Variants in NKAIN3 observed in about 807,000 individuals in gnomAD.
NKAIN3 encodes the protein sodium/potassium transporting ATPase interacting 3.
NKAIN3 carries 25 observed loss-of-function variants against 30.2 expected under a neutral mutation model. That is an observed-to-expected ratio of 0.83 (90% CI 0.60 to 1.16). The LOEUF (loss-of-function observed/expected upper bound fraction) is 1.16. Ranked by LOEUF, NKAIN3 falls within the 50% of genes most tolerant of loss-of-function variation. The probability of loss-of-function intolerance (pLI) is 0.00; values close to 1 mark genes in which losing one functional copy is unlikely to be tolerated. For missense variants in NKAIN3, 225 were observed against 254.1 expected, an observed-to-expected ratio of 0.89 and a Z score of 0.78; for synonymous variants, 91 against 89.6, an observed-to-expected ratio of 1.02 and a Z score of -0.09.
intron 1 of NKAIN3, among the ~76,000 whole-genome samples, chr8:62,354,910 C>T (rs77712843): frequency 0.15 from 22,590 of 152,082 alleles, 1,932 homozygotes; most frequent in East Asian, 0.39. Context: ...GGACCTTTTC[C>T]AATGGGTAGA....
chr8:62,395,382 G>A (rs1031580595), intron 1 of NKAIN3, among the ~76,000 whole-genome samples: 6 of 152,108 alleles, frequency 3.9e-5, no homozygotes, highest in Non-Finnish European at 7.4e-5. Flanking sequence ...GGGGTGGCCC[G>A]GCAGAAGCGC....
At chr8:62,387,989 C>G (rs1273074399) in intron 1 of NKAIN3, among the ~76,000 whole-genome samples, 2 of 152,084 alleles carry the variant, frequency 1.3e-5, no homozygotes, top group Non-Finnish European at 2.9e-5. Context: ...TTCCCATAGG[C>G]CATGGTGGTT....
intron 4 of NKAIN3, among the ~76,000 whole-genome samples, chr8:62,884,080 C>A (rs1030253890): frequency 8.5e-5 from 13 of 152,074 alleles, no homozygotes; most frequent in African/African-American, 3.1e-4. Flanking sequence ...ATGCAGAACT[C>A]TTTTTATACA....
chr8:62,966,904 G>A lies in NKAIN3; in HGVS notation c.*1497G>A, dbSNP rs187903926. 1.6e-3 allele frequency among the ~76,000 whole-genome samples: 236 copies of A among 151,992 alleles called. 6 individuals carry two copies. In the South Asian group the frequency reaches 0.027, roughly 17 times the overall value. ...TCTTTTTTCTTCTTGTTCTTCTTTC[G>A]GAGCCTATAGGTTTCATGAGACTCT... On this transcript the variant is annotated 3_prime_UTR_variant, in exon 7 of 7. Transcript: ENST00000623646.
chr8:62,538,197 G>A (rs1019818265), intron 1 of NKAIN3, among the ~76,000 whole-genome samples: 4 of 152,130 alleles, frequency 2.6e-5, no homozygotes, highest in African/African-American at 7.2e-5. Flanking sequence ...TTGTTGTTGA[G>A]ACAGGGCCTC....
chr8:62,589,874 A>ATT, intron 3 of NKAIN3, 80 bp downstream of exon 3: 1 of 593,432 alleles, frequency 1.7e-6, no homozygotes. Flanking sequence ...ATATAGGTAT[A>ATT]TTGTGTGTGT....
Position 62,979,975 on chromosome 8 carries a change from C to G in NKAIN3, c.*14568C>G, listed in dbSNP as rs1262411663. The G allele has an allele frequency of 6.8e-6, 1 of 147,132 alleles. No individual in the cohort carries two copies. The highest frequency in any genetic ancestry group is 1.5e-5 in the Non-Finnish European group (1 of 68,060). The allele number at this position is 147,132 out of a possible 1,614,324, so 9.1% of individuals were successfully genotyped here. On this transcript the variant is annotated 3_prime_UTR_variant, in exon 7 of 7. Transcript: ENST00000623646. ...CAGTGGGTCTTTGCCTAGCTTTTGT[C>G]TTGTCTTTGCTTTTTATTCATCTTT...
At chr8:62,565,645 T>G (rs1322091305) in intron 1 of NKAIN3, among the ~76,000 whole-genome samples, 2 of 152,120 alleles carry the variant, frequency 1.3e-5, no homozygotes, top group Non-Finnish European at 2.9e-5. Flanking sequence ...GAAAAAGACT[T>G]GAAAGTGGAT....
intron 4 of NKAIN3, chr8:62,863,957 G>C: frequency 1.2e-6 from 1 of 860,274 alleles, no homozygotes; most frequent in Admixed American, 1.8e-5. Context: ...GGCGGTGGTG[G>C]TGGTGGAGGT....
At chr8:62,803,813 A>T (rs1420347256) in intron 4 of NKAIN3, among the ~76,000 whole-genome samples, 1 of 152,234 alleles carries the variant, frequency 6.6e-6, no homozygotes, top group Non-Finnish European at 1.5e-5. Flanking sequence ...TAAAAAATTA[A>T]TGAATCCAGG....
At chr8:62,766,423 C>T (rs992476964) in intron 4 of NKAIN3, among the ~76,000 whole-genome samples, 1 of 152,154 alleles carries the variant, frequency 6.6e-6, no homozygotes, top group East Asian at 1.9e-4. Flanking sequence ...CTGCTAAACA[C>T]CCCCTCTGTA....
chr8:62,367,471 A>G (rs1816770652), intron 1 of NKAIN3, among the ~76,000 whole-genome samples: 1 of 152,212 alleles, frequency 6.6e-6, no homozygotes, highest in Non-Finnish European at 1.5e-5. Flanking sequence ...ACAGAAACCA[A>G]ATAAACGTGA....
chr8:62,274,660 A>G (rs1243288836), intron 1 of NKAIN3, among the ~76,000 whole-genome samples: 1 of 151,984 alleles, frequency 6.6e-6, no homozygotes, highest in Non-Finnish European at 1.5e-5. Context: ...TTTGTTACAT[A>G]TGTATACATG....
At chr8:62,558,938 T>G (rs1809486285) in intron 1 of NKAIN3, among the ~76,000 whole-genome samples, 2 of 152,082 alleles carry the variant, frequency 1.3e-5, no homozygotes, top group Non-Finnish European at 2.9e-5. Context: ...TATTTGAAGA[T>G]AGCTTAATTA....
intron 5 of NKAIN3, among the ~76,000 whole-genome samples, chr8:62,949,167 C>T (rs1409041053): frequency 6.6e-6 from 1 of 152,150 alleles, no homozygotes; most frequent in South Asian, 2.1e-4. Context: ...CCACCTTGCA[C>T]ATGTTGTCTC....
intron 1 of NKAIN3, among the ~76,000 whole-genome samples, chr8:62,376,857 C>T (rs762348583): frequency 3.3e-5 from 5 of 151,978 alleles, no homozygotes; most frequent in African/African-American, 7.3e-5. Flanking sequence ...TACATATAAT[C>T]GTATTCTCTT....
At chr8:62,491,755 A>G (rs1807073147) in intron 1 of NKAIN3, among the ~76,000 whole-genome samples, 1 of 152,178 alleles carries the variant, frequency 6.6e-6, no homozygotes, top group Admixed American at 6.6e-5. Flanking sequence ...TAGGTTAAAG[A>G]GAATTACTCA....
chr8:62,549,271 G>A (rs895509670), intron 1 of NKAIN3, among the ~76,000 whole-genome samples: 1 of 152,094 alleles, frequency 6.6e-6, no homozygotes, highest in Non-Finnish European at 1.5e-5. Flanking sequence ...CTTATTAAAC[G>A]AAGTATAGCA....
At chr8:62,855,913 A>T (rs1471586056) in intron 4 of NKAIN3, 3 of 759,324 alleles carry the variant, frequency 4.0e-6, no homozygotes, top group African/African-American at 3.4e-5. Context: ...CGGGGTGTGT[A>T]TCTGCGTGAT....
Sources: gnomAD v4.1 joint callset for allele counts (sites outside exome capture counted in the v4.1 genomes callset) on GRCh38, gnomAD v4.1.1 for gene constraint, MANE v1.5 for transcripts, NCBI Gene and HGNC (gene_info 2026-07-23, HGNC 2026-07-21) for gene names.